Variants in MYRIP observed in about 807,000 individuals in gnomAD.
MYRIP encodes rab effector MyRIP.
Under a neutral mutation model 98.0 loss-of-function variants are expected in MYRIP, and 49 were observed. That is an observed-to-expected ratio of 0.50 (90% CI 0.40 to 0.63). The LOEUF (loss-of-function observed/expected upper bound fraction) is 0.63. MYRIP is among the 30% of genes least tolerant of loss of function. The probability of loss-of-function intolerance (pLI) is 0.00; values close to 1 mark genes in which losing one functional copy is unlikely to be tolerated. For missense variants in MYRIP, 1,004 were observed against 1,058.2 expected, an observed-to-expected ratio of 0.95 and a Z score of 0.71; for synonymous variants, 404 against 409.5, an observed-to-expected ratio of 0.99 and a Z score of 0.16.
At chr3:39,995,560 T>A (rs550982239) in intron 2 of MYRIP, among the ~76,000 whole-genome samples, 1 of 152,174 alleles carries the variant, frequency 6.6e-6, no homozygotes, top group Non-Finnish European at 1.5e-5. Context: ...CTACGTCTGA[T>A]TGGTGTACTT....
At chr3:40,122,591 C>A (rs910496123) in intron 3 of MYRIP, among the ~76,000 whole-genome samples, 3 of 151,668 alleles carry the variant, frequency 2.0e-5, no homozygotes, top group African/African-American at 7.3e-5. Context: ...TGTATGAGTT[C>A]ATATTAAATT....
At chr3:40,139,816 G>A (rs938475326) in intron 3 of MYRIP, among the ~76,000 whole-genome samples, 7 of 152,320 alleles carry the variant, frequency 4.6e-5, no homozygotes, top group Admixed American at 4.6e-4. Context: ...CTGGATTCAA[G>A]TGATCCACCC....
chr3:40,101,576 TTTCTTTTTTC>T (rs748264723), intron 3 of MYRIP, among the ~76,000 whole-genome samples: 298 of 152,264 alleles, frequency 2.0e-3, no homozygotes, highest in South Asian at 3.7e-3. Context: ...ATTCTCTAGT[TTTCTTTTTTC>T]TTCTTTTTTC....
chr3:39,964,148 ATC>A (rs1945386843), intron 2 of MYRIP, among the ~76,000 whole-genome samples: 1 of 152,116 alleles, frequency 6.6e-6, no homozygotes, highest in South Asian at 2.1e-4. Flanking sequence ...ATTTATTTTC[ATC>A]TTCTTTATCT....
At chr3:40,253,640 C>A (rs1953468815) in intron 16 of MYRIP, among the ~76,000 whole-genome samples, 1 of 152,174 alleles carries the variant, frequency 6.6e-6, no homozygotes, top group Non-Finnish European at 1.5e-5. Context: ...ATAATTTGAT[C>A]AACGGAATAA....
intron 1 of MYRIP, among the ~76,000 whole-genome samples, chr3:39,822,429 C>T (rs558693002): frequency 2.0e-5 from 3 of 152,156 alleles, no homozygotes; most frequent in South Asian, 2.1e-4. Context: ...TCGTCAAATT[C>T]GTAAACTTTC....
intron 13 of MYRIP, among the ~76,000 whole-genome samples, chr3:40,249,918 T>C (rs1286769960): frequency 6.6e-6 from 1 of 152,198 alleles, no homozygotes; most frequent in Admixed American, 6.5e-5. Flanking sequence ...CTGAGCCAGG[T>C]GGCCCCGGGC....
chr3:40,187,356 C>T (rs79798195), intron 9 of MYRIP, among the ~76,000 whole-genome samples: 2,026 of 152,302 alleles, frequency 0.013, 29 homozygotes, highest in Middle Eastern at 0.02. Flanking sequence ...ATCAGCCCTG[C>T]ATCTGCTTTA....
intron 1 of MYRIP, among the ~76,000 whole-genome samples, chr3:39,837,229 A>G (rs1466847458): frequency 6.6e-6 from 1 of 152,096 alleles, no homozygotes; most frequent in Non-Finnish European, 1.5e-5. Context: ...ATTAGATCCC[A>G]TTTGTCAATT....
At position 40,162,391 on chromosome 3, in the gene MYRIP, C is replaced by T. The variant is rs115573206; in HGVS notation, c.470-339C>T. ...AATTCCAGATGCAGCCATGCCAAGCCACACAACTAGTAATTTGCAGGTCCA... is the reference window on the plus strand; with the variant it reads ...AATTCCAGATGCAGCCATGCCAAGCTACACAACTAGTAATTTGCAGGTCCA... On this transcript the variant is annotated intron_variant, in intron 4 of 16. Transcript: ENST00000302541. Among the ~76,000 whole-genome samples the T allele has an allele frequency of 4.5e-3, 692 of 152,224 alleles. 6 individuals carry two copies. Among genetic ancestry groups the T allele is most frequent in the African/African-American group, 0.016 (645 of 41,540 alleles).
chr3:39,975,152 G>A (rs548199713), intron 2 of MYRIP, among the ~76,000 whole-genome samples: 99 of 152,228 alleles, frequency 6.5e-4, no homozygotes, highest in African/African-American at 2.1e-3. Context: ...AAACCCCATC[G>A]TCTCAGCCCA....
intron 2 of MYRIP, among the ~76,000 whole-genome samples, chr3:40,002,424 C>A (rs11129858): frequency 0.1 from 15,344 of 151,850 alleles, 1,353 homozygotes; most frequent in African/African-American, 0.23. Flanking sequence ...AATCCCAGCT[C>A]CTTGGGAGGC....
At chr3:40,110,120 G>C (rs914724300) in intron 3 of MYRIP, among the ~76,000 whole-genome samples, 3 of 152,188 alleles carry the variant, frequency 2.0e-5, no homozygotes, top group African/African-American at 7.2e-5. Context: ...GGGCCTTTTG[G>C]GACAAGGCCC....
chr3:40,042,311 A>G (rs1033360632), intron 2 of MYRIP, among the ~76,000 whole-genome samples: 2 of 144,220 alleles, frequency 1.4e-5, no homozygotes, highest in Non-Finnish European at 3.1e-5. Flanking sequence ...AAAAAAAAAG[A>G]GAGCCAACCT....
At chr3:40,142,802 G>A (rs138600156) in intron 3 of MYRIP, among the ~76,000 whole-genome samples, 9 of 152,300 alleles carry the variant, frequency 5.9e-5, no homozygotes, top group Admixed American at 3.3e-4. Context: ...ATCAAGCATG[G>A]ACAGCTCTGG....
intron 3 of MYRIP, among the ~76,000 whole-genome samples, chr3:40,078,375 C>A (rs1337965822): frequency 3.3e-5 from 5 of 152,200 alleles, no homozygotes; most frequent in Non-Finnish European, 7.3e-5. Flanking sequence ...CACAGTGCAG[C>A]GGTGGGCTGA....
chr3:39,844,292 C>G (rs1941895325), intron 1 of MYRIP, among the ~76,000 whole-genome samples: 1 of 152,224 alleles, frequency 6.6e-6, no homozygotes, highest in Admixed American at 6.5e-5. Flanking sequence ...AATTCTGCCT[C>G]CCAGAAGGAA....
intron 3 of MYRIP, chr3:40,100,215 T>C: frequency 2.0e-6 from 2 of 985,420 alleles, no homozygotes; most frequent in Non-Finnish European, 2.4e-6. Flanking sequence ...TAAATTTGAG[T>C]AGAAGAGCTT....
At chr3:39,820,260 G>A (rs1014228739) in intron 1 of MYRIP, among the ~76,000 whole-genome samples, 2 of 152,136 alleles carry the variant, frequency 1.3e-5, no homozygotes, top group African/African-American at 2.4e-5. Context: ...CCCTCTTTTT[G>A]GTGTGAAATG....
Sources: gnomAD v4.1 joint callset for allele counts (sites outside exome capture counted in the v4.1 genomes callset) on GRCh38, gnomAD v4.1.1 for gene constraint, MANE v1.5 for transcripts, NCBI Gene and HGNC (gene_info 2026-07-23, HGNC 2026-07-21) for gene names.